The following RGS6 variants were observed in gnomAD, a reference collection of about 807,000 sequenced individuals.
RGS6 encodes the protein regulator of G protein signaling 6, also known as regulator of G-protein signaling 6.
A neutral mutation model predicts 78.5 loss-of-function variants in RGS6; 30 were observed. The observed-to-expected ratio is 0.38, with a 90% CI of 0.29 to 0.52. The LOEUF (loss-of-function observed/expected upper bound fraction) is 0.52, where lower values mean the gene tolerates loss of function less well. Ranked by LOEUF, RGS6 falls within the 20% of genes least tolerant of loss-of-function variation. RGS6 has a pLI of 0.85. For synonymous variants in RGS6, 206 were observed against 206.0 expected (o/e 1.00, Z 0.00); for missense variants, 495 against 609.7 (o/e 0.81, Z 1.98).
At chr14:72,397,851 G>A (rs979031345) in intron 3 of RGS6, among the ~76,000 whole-genome samples, 6 of 152,206 alleles carry the variant, frequency 3.9e-5, no homozygotes, top group East Asian at 1.9e-4. Context: ...GCTGGATTAC[G>A]TTTATTGATT....
At chr14:72,624,715 C>T in the RGS6 span, among the ~76,000 whole-genome samples, 3 of 152,162 alleles carry the variant, frequency 2.0e-5, no homozygotes. Flanking sequence ...TCTCAGTATC[C>T]TTCAATCTGT....
At chr14:72,061,831 A>C (rs1329818754) in intron 2 of RGS6, among the ~76,000 whole-genome samples, 1 of 152,232 alleles carries the variant, frequency 6.6e-6, no homozygotes, top group Non-Finnish European at 1.5e-5. Flanking sequence ...ACACATACTC[A>C]TGGCTAATAT....
chr14:72,334,867 A>G (rs1595924949), intron 2 of RGS6, among the ~76,000 whole-genome samples: 2 of 152,002 alleles, frequency 1.3e-5, no homozygotes, highest in African/African-American at 4.8e-5. Flanking sequence ...CTCAACTGCT[A>G]CCCACATGCT....
At chr14:72,458,143 C>T (rs2095681061) in intron 4 of RGS6, 128 bp from the exon 5 acceptor site, 1 of 688,850 alleles carries the variant, frequency 1.5e-6, no homozygotes, top group Admixed American at 2.6e-5. Context: ...CCACACTGAG[C>T]AAGGGCAATT....
chr14:72,444,572 TCTCCCTCAGCGTGGGATCTA>T (rs1422633707), intron 3 of RGS6, among the ~76,000 whole-genome samples: 1 of 152,208 alleles, frequency 6.6e-6, no homozygotes, highest in African/African-American at 2.4e-5. Flanking sequence ...TCTGGGGTCT[TCTCCCTCAGCGTGGGATCTA>T]CTCCCAGATC....
intron 12 of RGS6, among the ~76,000 whole-genome samples, chr14:72,489,388 C>CT (rs2096546121): frequency 6.6e-6 from 1 of 152,196 alleles, no homozygotes; most frequent in Non-Finnish European, 1.5e-5. Context: ...ATCCCCACAT[C>CT]CAGCTTGCTC....
intron 3 of RGS6, among the ~76,000 whole-genome samples, chr14:72,414,215 G>A (rs1295239016): frequency 2.0e-5 from 3 of 152,328 alleles, no homozygotes; most frequent in South Asian, 2.1e-4. Flanking sequence ...CCAATCAGAC[G>A]TAGATTTGGG....
the RGS6 span, among the ~76,000 whole-genome samples, chr14:71,880,489 C>T: frequency 6.6e-6 from 1 of 152,178 alleles, no homozygotes; most frequent in Admixed American, 6.5e-5. Context: ...GCCTAGGATC[C>T]CTCTGCTGTT....
intron 2 of RGS6, among the ~76,000 whole-genome samples, chr14:71,996,208 C>G (rs2095199849): frequency 6.6e-6 from 1 of 151,904 alleles, no homozygotes; most frequent in Non-Finnish European, 1.5e-5. Context: ...CAAACCTCCC[C>G]ACACCAATTG....
intron 14 of RGS6, among the ~76,000 whole-genome samples, chr14:72,517,264 G>A (rs1344129048): frequency 6.6e-6 from 1 of 152,032 alleles, no homozygotes; most frequent in Admixed American, 6.5e-5. Context: ...CTGTTGACTA[G>A]ACTACCTGTG....
At chr14:71,870,009 T>C in the RGS6 span, among the ~76,000 whole-genome samples, 1 of 152,202 alleles carries the variant, frequency 6.6e-6, no homozygotes, top group Non-Finnish European at 1.5e-5. Flanking sequence ...TTCTATTCAT[T>C]ACAAATTACC....
the RGS6 span, among the ~76,000 whole-genome samples, chr14:71,895,681 T>C: frequency 6.6e-6 from 1 of 152,186 alleles, no homozygotes; most frequent in African/African-American, 2.4e-5. Flanking sequence ...CTGCTTGTTA[T>C]GCTGTGTGCA....
intron 10 of RGS6, among the ~76,000 whole-genome samples, chr14:72,476,161 G>A (rs2096240598): frequency 6.6e-6 from 1 of 152,166 alleles, no homozygotes; most frequent in South Asian, 2.1e-4. Flanking sequence ...TGTAGCTATA[G>A]CTACGGACAT....
At chr14:72,226,884 G>A (rs1235698760) in intron 2 of RGS6, among the ~76,000 whole-genome samples, 1 of 152,016 alleles carries the variant, frequency 6.6e-6, no homozygotes, top group African/African-American at 2.4e-5. Flanking sequence ...ATGGCTTTTT[G>A]CCATGTTATC....
chr14:72,584,134 C>A, the RGS6 span, among the ~76,000 whole-genome samples: 2 of 152,144 alleles, frequency 1.3e-5, no homozygotes, highest in African/African-American at 2.4e-5. Context: ...ATGTGGGTGT[C>A]AGATTTCATT....
chr14:71,944,240 C>T (rs1419090588), intron 1 of RGS6, among the ~76,000 whole-genome samples: 1 of 152,156 alleles, frequency 6.6e-6, no homozygotes, highest in Non-Finnish European at 1.5e-5. Flanking sequence ...TACAAAATAA[C>T]AATCAGCATT....
At chr14:72,044,826 T>A (rs1436936822) in intron 2 of RGS6, among the ~76,000 whole-genome samples, 2 of 152,228 alleles carry the variant, frequency 1.3e-5, no homozygotes, top group East Asian at 3.9e-4. Flanking sequence ...TGAGCCGAGA[T>A]GATGCCACTG....
intron 2 of RGS6, among the ~76,000 whole-genome samples, chr14:72,235,591 T>C (rs969495252): frequency 2.6e-5 from 4 of 152,222 alleles, no homozygotes; most frequent in Non-Finnish European, 5.9e-5. Context: ...GGGAACACCA[T>C]TTACCTGGTA....
intron 2 of RGS6, among the ~76,000 whole-genome samples, chr14:72,266,656 G>A (rs1467631450): frequency 6.6e-6 from 1 of 152,152 alleles, no homozygotes; most frequent in Non-Finnish European, 1.5e-5. Flanking sequence ...TTCTCAGAAG[G>A]GCATCAGGGT....
Sources: gnomAD v4.1 joint callset for allele counts (sites outside exome capture counted in the v4.1 genomes callset) on GRCh38, gnomAD v4.1.1 for gene constraint, MANE v1.5 for transcripts, NCBI Gene and HGNC (gene_info 2026-07-23, HGNC 2026-07-21) for gene names.